LUC7L2: variants seen among roughly 807,000 people sequenced by gnomAD.
LUC7L2 encodes the protein putative RNA-binding protein Luc7-like 2.
LUC7L2 carries 25 observed loss-of-function variants against 52.8 expected under a neutral mutation model. The observed-to-expected ratio is 0.47, with a 90% confidence interval of 0.34 to 0.66. The LOEUF is 0.66. Among genes scored for constraint, LUC7L2 ranks in the 30% least tolerant of loss-of-function variants. The pLI, the probability that LUC7L2 is intolerant of heterozygous loss-of-function variation, is 0.01. For missense variants in LUC7L2, 328 were observed against 497.8 expected, an observed-to-expected ratio of 0.66 and a Z score of 3.25; for synonymous variants, 144 against 160.9, an observed-to-expected ratio of 0.89 and a Z score of 0.80.
At chr7:139,362,164 T>C (rs1484852415) in intron 1 of LUC7L2, among the ~76,000 whole-genome samples, 2 of 151,986 alleles carry the variant, frequency 1.3e-5, no homozygotes, top group African/African-American at 2.4e-5. Flanking sequence ...TATTTACGAG[T>C]CCACAGTATT....
At chr7:139,417,238 G>A (rs1277520649) in intron 8 of LUC7L2, 1 of 249,908 alleles carries the variant, frequency 4.0e-6, no homozygotes, top group Non-Finnish European at 8.0e-6. Context: ...ACAGAGTTTC[G>A]CCATGTTGCC....
At chr7:139,420,127 A>G (rs184949521) in intron 9 of LUC7L2, among the ~76,000 whole-genome samples, 131 of 152,292 alleles carry the variant, frequency 8.6e-4, no homozygotes, top group Admixed American at 1.6e-3. Flanking sequence ...GCATCTATCT[A>G]TCTTTTTGCT....
chr7:139,375,786 C>A, intron 1 of LUC7L2: 1 of 340,184 alleles, frequency 2.9e-6, no homozygotes, highest in Non-Finnish European at 4.8e-6. Context: ...AAGTCCATTC[C>A]TGCTCTAAAA....
intron 1 of LUC7L2, 38 bp downstream of exon 1, chr7:139,360,360 A>T (rs1465185527): frequency 6.6e-7 from 1 of 1,525,432 alleles, no homozygotes; most frequent in South Asian, 1.2e-5. Flanking sequence ...GGGGGAGGGG[A>T]CGGGGACGGC....
chr7:139,358,715 C>T (rs912685019), upstream of LUC7L2, among the ~76,000 whole-genome samples: 3 of 152,114 alleles, frequency 2.0e-5, no homozygotes, highest in Non-Finnish European at 4.4e-5. Context: ...TTAGAAGTCT[C>T]GCTCTGTCGC....
intron 2 of LUC7L2, among the ~76,000 whole-genome samples, chr7:139,388,333 A>G (rs1302870827): frequency 6.6e-6 from 1 of 152,096 alleles, no homozygotes; most frequent in African/African-American, 2.4e-5. Flanking sequence ...GAAAAATATC[A>G]TGATTTATCT....
intron 9 of LUC7L2, 139 bp downstream of exon 9, chr7:139,417,868 TGGGTGTACA>T: frequency 8.3e-7 from 1 of 1,209,056 alleles, no homozygotes. Flanking sequence ...CATTTATGTG[TGGGTGTACA>T]ACATTTTTCT....
At chr7:139,350,167 GC>G (rs1384450413) in intron 1 of LUC7L2, among the ~76,000 whole-genome samples, 2 of 152,068 alleles carry the variant, frequency 1.3e-5, no homozygotes, top group African/African-American at 4.8e-5. Context: ...TGTGGCCCAG[GC>G]TGGAGTGCAG....
chr7:139,367,441 G>A (rs994252092), intron 1 of LUC7L2, among the ~76,000 whole-genome samples: 1 of 152,130 alleles, frequency 6.6e-6, no homozygotes, highest in Non-Finnish European at 1.5e-5. Context: ...GTCACTTAGG[G>A]TTCCTGTGCT....
chr7:139,421,259 G>A (rs991343539), intron 9 of LUC7L2, among the ~76,000 whole-genome samples: 1 of 151,990 alleles, frequency 6.6e-6, no homozygotes, highest in African/African-American at 2.4e-5. Flanking sequence ...CAGGTTCTTG[G>A]TAGTGCCTCA....
At chr7:139,384,577 A>C (rs1373121792) in intron 2 of LUC7L2, among the ~76,000 whole-genome samples, 2 of 152,230 alleles carry the variant, frequency 1.3e-5, no homozygotes, top group African/African-American at 4.8e-5. Context: ...CAGGAAGTTA[A>C]CAGTGCTTTA....
chr7:139,414,652 T>C (rs897245346), intron 8 of LUC7L2, among the ~76,000 whole-genome samples: 4 of 152,226 alleles, frequency 2.6e-5, no homozygotes, highest in Non-Finnish European at 5.9e-5. Context: ...TTCCTTTTGC[T>C]CACTTCATTC....
In LUC7L2 at chr7:139,423,434, A is replaced by G. The variant is rs1283025776; in HGVS notation, c.*1094A>G. The G allele has an allele frequency of 2.5e-6, 1 of 398,832 alleles. No homozygotes were observed. The highest frequency in any genetic ancestry group is 2.1e-5 in the African/African-American group (1 of 48,626). 24.7% of individuals were successfully genotyped at this position (398,832 alleles called of 1,614,324 possible). A position where few individuals can be genotyped will look rare whatever the true frequency, so the allele number is the denominator to read the frequency against. ...TTATTCTCATTCAACAAACCCAAAT[A>G]AAAACAGTATATGTAACCAACATAA... On this transcript the variant is annotated 3_prime_UTR_variant, in exon 10 of 10. Transcript: ENST00000354926.
At chr7:139,355,278 G>A (rs1207049773), upstream of LUC7L2, among the ~76,000 whole-genome samples, 5 of 151,806 alleles carry the variant, frequency 3.3e-5, no homozygotes, top group Middle Eastern at 3.4e-3. Context: ...TACCTAAAAA[G>A]GAAAATAAAA....
intron 9 of LUC7L2, among the ~76,000 whole-genome samples, chr7:139,421,427 T>G (rs1476544454): frequency 1.3e-5 from 2 of 152,194 alleles, no homozygotes; most frequent in Non-Finnish European, 2.9e-5. Flanking sequence ...GTTTTCCGAT[T>G]GATTTATTAT....
At chr7:139,350,972 C>T (rs879612075) in intron 1 of LUC7L2, among the ~76,000 whole-genome samples, 10 of 152,154 alleles carry the variant, frequency 6.6e-5, no homozygotes, top group African/African-American at 1.9e-4. Context: ...CTGCGCCTGG[C>T]CCACATTCTT....
chr7:139,351,570 C>T (rs948527332), intron 1 of LUC7L2, among the ~76,000 whole-genome samples: 3 of 152,254 alleles, frequency 2.0e-5, no homozygotes, highest in African/African-American at 7.2e-5. Flanking sequence ...CTGTTCTTGT[C>T]ATTCTACTCA....
intron 4 of LUC7L2, 22 bp downstream of exon 4, chr7:139,402,269 T>G (rs1317721322): frequency 1.8e-5 from 28 of 1,569,960 alleles, no homozygotes; most frequent in Non-Finnish European, 2.4e-5. Flanking sequence ...AATCATTTCA[T>G]TAGTACAAAG....
intron 6 of LUC7L2, among the ~76,000 whole-genome samples, chr7:139,407,683 AT>A (rs1795184069): frequency 6.6e-6 from 1 of 152,036 alleles, no homozygotes; most frequent in South Asian, 2.1e-4. Flanking sequence ...ATAATATAAT[AT>A]TTATAAGAAG....
Sources: gnomAD v4.1 joint callset for allele counts (sites outside exome capture counted in the v4.1 genomes callset) on GRCh38, gnomAD v4.1.1 for gene constraint, MANE v1.5 for transcripts, NCBI Gene and HGNC (gene_info 2026-07-23, HGNC 2026-07-21) for gene names.